The following ANO3 variants were observed in gnomAD, a reference collection of about 807,000 sequenced individuals.
The protein encoded by ANO3 is anoctamin-3.
Under a neutral mutation model 144.8 loss-of-function variants are expected in ANO3, and 99 were observed. That is an observed-to-expected ratio of 0.68 (90% CI 0.58 to 0.81). The LOEUF is 0.81. Ranked by LOEUF, ANO3 falls within the 30% of genes least tolerant of loss-of-function variation. The pLI, the probability that ANO3 is intolerant of heterozygous loss-of-function variation, is 0.00. For synonymous variants in ANO3, 414 were observed against 392.6 expected (o/e 1.05, Z -0.64); for missense variants, 905 against 1,202.2 (o/e 0.75, Z 3.66).
At chr11:26,557,171 T>C (rs1445835553) in intron 13 of ANO3, among the ~76,000 whole-genome samples, 2 of 151,978 alleles carry the variant, frequency 1.3e-5, no homozygotes, top group East Asian at 3.9e-4. Flanking sequence ...ATCTTAACAA[T>C]GTTGAACAAG....
intron 1 of ANO3, among the ~76,000 whole-genome samples, chr11:26,433,208 A>G (rs1051319681): frequency 1.3e-5 from 2 of 152,118 alleles, no homozygotes; most frequent in Non-Finnish European, 2.9e-5. Context: ...GTGTTGGTGT[A>G]TAGGAATGCT....
chr11:26,396,283 GA>G (rs902259880), intron 1 of ANO3, among the ~76,000 whole-genome samples: 1 of 152,054 alleles, frequency 6.6e-6, no homozygotes, highest in African/African-American at 2.4e-5. Context: ...AAAAAGTCAG[GA>G]AACAACAGAT....
intron 7 of ANO3, among the ~76,000 whole-genome samples, chr11:26,528,383 T>A (rs1166006364): frequency 6.6e-6 from 1 of 152,188 alleles, no homozygotes; most frequent in African/African-American, 2.4e-5. Flanking sequence ...ACCCCTTCCT[T>A]CACAGGAAGT....
Position 26,212,109 on chromosome 11 carries a change from G to A in ANO3, c.154+22779G>A, listed in dbSNP as rs964758102. Among the ~76,000 whole-genome samples the A allele has an allele frequency of 3.3e-5, 5 of 152,126 alleles. No individual in the cohort carries two copies. In the South Asian group the frequency reaches 1.0e-3, roughly 32 times the overall value. On this transcript the variant is annotated intron_variant, in intron 1 of 27. Coordinates refer to the ANO3 transcript ENST00000672621. ...GTATTAGGAGAAATACCTAATGTAG[G>A]TGACAGGTTGATGGGTGCAGCAAAC...
intron 1 of ANO3, among the ~76,000 whole-genome samples, chr11:26,435,248 C>G (rs1372111165): frequency 6.6e-6 from 1 of 152,140 alleles, no homozygotes; most frequent in Non-Finnish European, 1.5e-5. Context: ...AATACAGGCC[C>G]CAATCTCTTC....
At position 26,639,414 on chromosome 11, in the gene ANO3, T is replaced by C. The variant is rs75445196; in HGVS notation, c.2141+173T>C. ...TGTGTAAATTAAACCTTTCAGAGCC[T>C]GTTTTCACTAAGAATGTATCAACAA... On this transcript the variant is annotated intron_variant, in intron 21 of 26. Transcript: ENST00000256737. 3.9e-5 allele frequency among the ~76,000 whole-genome samples: 6 copies of C among 152,328 alleles called. No individual in the cohort carries two copies. The East Asian group carries it at 1.2e-3, about 29-fold the overall frequency.
chr11:26,211,800 T>A (rs1296439405), intron 1 of ANO3, among the ~76,000 whole-genome samples: 1 of 152,142 alleles, frequency 6.6e-6, no homozygotes, highest in African/African-American at 2.4e-5. Flanking sequence ...AGCAAAGACT[T>A]GGAACAAACC....
chr11:26,289,013 C>T (rs1853872771), intron 1 of ANO3, among the ~76,000 whole-genome samples: 1 of 152,112 alleles, frequency 6.6e-6, no homozygotes, highest in African/African-American at 2.4e-5. Flanking sequence ...TTTAATATTA[C>T]ATTCATTCAA....
chr11:26,625,388 G>A (rs528170549), intron 18 of ANO3, among the ~76,000 whole-genome samples: 1 of 152,080 alleles, frequency 6.6e-6, no homozygotes, highest in South Asian at 2.1e-4. Flanking sequence ...GCAGTGCCCT[G>A]TCCCCCGACA....
chr11:26,235,322 CAAT>C (rs1256593237), intron 1 of ANO3, among the ~76,000 whole-genome samples: 3 of 152,062 alleles, frequency 2.0e-5, no homozygotes, highest in Non-Finnish European at 4.4e-5. Context: ...AACCATGGTA[CAAT>C]AATAAAAATC....
At chr11:26,374,818 G>T (rs375257488) in intron 1 of ANO3, among the ~76,000 whole-genome samples, 4 of 152,114 alleles carry the variant, frequency 2.6e-5, no homozygotes, top group African/African-American at 9.7e-5. Context: ...ATGTTGGCTC[G>T]TTGCAACCTC....
At chr11:26,404,931 A>ATGTGTGTGTGTGTG (rs779394110) in intron 1 of ANO3, among the ~76,000 whole-genome samples, 1 of 39,216 alleles carries the variant, frequency 2.5e-5, no homozygotes, top group East Asian at 8.1e-4. Flanking sequence ...GAATTTATAT[A>ATGTGTGTGTGTGTG]TATGTGTGTG....
intron 18 of ANO3, among the ~76,000 whole-genome samples, chr11:26,633,291 A>C (rs929656967): frequency 1.3e-5 from 2 of 152,290 alleles, no homozygotes; most frequent in Middle Eastern, 3.4e-3. Flanking sequence ...GTTAGAGTCG[A>C]CAGGGTTTTT....
chr11:26,263,525 G>A (rs1002224807), intron 1 of ANO3, among the ~76,000 whole-genome samples: 4 of 152,108 alleles, frequency 2.6e-5, no homozygotes, highest in African/African-American at 7.2e-5. Context: ...GGGTAGCTTC[G>A]CCATCTCCTG....
At chr11:26,348,299 T>C (rs750171395) in intron 1 of ANO3, among the ~76,000 whole-genome samples, 1 of 152,188 alleles carries the variant, frequency 6.6e-6, no homozygotes, top group Admixed American at 6.5e-5. Flanking sequence ...AAATAGAAAG[T>C]AATCTTCTCA....
chr11:26,509,041 C>T (rs193074507), intron 5 of ANO3, among the ~76,000 whole-genome samples: 33 of 150,948 alleles, frequency 2.2e-4, no homozygotes, highest in Non-Finnish European at 3.7e-4. Context: ...TAAAATTTTA[C>T]ACAAAATTAG....
Position 26,660,387 on chromosome 11 carries a change from A to C in ANO3, c.2889A>C (p.Glu963Asp). ...VQEMMYEAEL[E>D]HLQQQRRKSG... Reference sequence around the variant, plus strand: ...AAATGATGTATGAGGCTGAACTGGAACATTTGCAACAACAACGGAGAAAAA... The same window carrying C: ...AAATGATGTATGAGGCTGAACTGGACCATTTGCAACAACAACGGAGAAAAA... Residue 963 changes from glutamate to aspartate, a missense_variant, in exon 27 of 27, where the codon GAA (glutamate) becomes GAC (aspartate). Physicochemically the swap from Glu to Asp is conservative, Grantham distance 45. Around this residue, in one of 4 missense-constraint regions of ANO3, gnomAD observed 597 missense variants for 865.1 expected, o/e 0.69. Transcript: ENST00000256737. The C allele has an allele frequency of 1.2e-6, 2 of 1,613,018 alleles. No homozygotes were observed. The highest frequency in any genetic ancestry group is 1.7e-6 in the Non-Finnish European group (2 of 1,179,446).
chr11:26,528,210 T>C (rs1849214830), intron 7 of ANO3, among the ~76,000 whole-genome samples: 1 of 152,174 alleles, frequency 6.6e-6, no homozygotes, highest in African/African-American at 2.4e-5. Context: ...CTTACTATGT[T>C]CTGTGCCCCG....
Position 26,259,584 on chromosome 11 carries a change from TG to T in ANO3, c.155-50054del, listed in dbSNP as rs549920926. Among the ~76,000 whole-genome samples, 11 of 4,452 alleles carry T rather than the reference TG, an allele frequency of 2.5e-3. No homozygotes were observed. In the Admixed American group the frequency reaches 0.028, roughly 11 times the overall value. The allele number at this position is 4,452 out of a possible 152,430, so 2.9% of individuals were successfully genotyped here. A position where few individuals can be genotyped will look rare whatever the true frequency, so the allele number is the denominator to read the frequency against. The stretch of plus-strand genomic sequence containing the variant: ...AATCGCTTGAACGTGGGGGTGGGGG[TG>T]GGGGGGCAGAGGGGCAGAGGTTGCA... On this transcript the variant is annotated intron_variant, in intron 1 of 27. Transcript: ENST00000672621.
Sources: gnomAD v4.1 joint callset for allele counts (sites outside exome capture counted in the v4.1 genomes callset) on GRCh38, gnomAD v4.1.1 for gene constraint, gnomAD v4.1.1 regional missense constraint, MANE v1.5 for transcripts, NCBI Gene and HGNC (gene_info 2026-07-23, HGNC 2026-07-21) for gene names.